Variants in NUP155 observed in about 807,000 individuals in gnomAD.
NUP155 encodes nucleoporin 155, also known as nuclear pore complex protein Nup155.
NUP155 carries 71 observed loss-of-function variants against 180.4 expected under a neutral mutation model. The ratio of observed to expected loss-of-function variants is 0.39; its 90% CI spans 0.33 to 0.48. The LOEUF (loss-of-function observed/expected upper bound fraction) is 0.48. Ranked by LOEUF, NUP155 falls within the 20% of genes least tolerant of loss-of-function variation. NUP155 has a pLI of 0.91. For missense variants in NUP155, 1,553 were observed against 1,648.9 expected (o/e 0.94, Z 1.01); for synonymous variants, 582 against 559.5 (o/e 1.04, Z -0.57).
intron 30 of NUP155, among the ~76,000 whole-genome samples, chr5:37,300,002 A>G (rs971458231): frequency 6.6e-5 from 10 of 150,988 alleles, no homozygotes; most frequent in Non-Finnish European, 1.5e-4. Flanking sequence ...CTGGTGACAG[A>G]GAAAGACTCT....
At chr5:37,346,160 C>T (rs137953062) in intron 9 of NUP155, among the ~76,000 whole-genome samples, 31 of 151,958 alleles carry the variant, frequency 2.0e-4, no homozygotes, top group African/African-American at 7.0e-4. Context: ...CATCTATAGT[C>T]ATAGCTACTC....
At chr5:37,349,408 C>A (rs1469011925) in intron 7 of NUP155, among the ~76,000 whole-genome samples, 163 bp from the exon 8 acceptor site, 1 of 151,982 alleles carries the variant, frequency 6.6e-6, no homozygotes, top group South Asian at 2.1e-4. Context: ...GCATAAGATC[C>A]AGTCCAAAAA....
At chr5:37,322,128 A>G (rs1171794627) in intron 20 of NUP155, among the ~76,000 whole-genome samples, 1 of 152,096 alleles carries the variant, frequency 6.6e-6, no homozygotes, top group Admixed American at 6.6e-5. Flanking sequence ...TACTGGGATT[A>G]CAGGCATCAG....
At chr5:37,305,930 C>G (rs779361171) in intron 25 of NUP155, among the ~76,000 whole-genome samples, 1 of 151,692 alleles carries the variant, frequency 6.6e-6, no homozygotes, top group Non-Finnish European at 1.5e-5. Flanking sequence ...AAAAAGAAAG[C>G]CATTGATTTA....
At chr5:37,340,986 G>A (rs1473763875) in intron 11 of NUP155, 104 bp downstream of exon 11, 12 of 990,692 alleles carry the variant, frequency 1.2e-5, no homozygotes, top group Non-Finnish European at 1.7e-5. Flanking sequence ...GTAGTTCCCA[G>A]TTTCTACTGT....
intron 22 of NUP155, among the ~76,000 whole-genome samples, chr5:37,311,382 C>A (rs1331710779): frequency 6.6e-6 from 1 of 152,064 alleles, no homozygotes; most frequent in Non-Finnish European, 1.5e-5. Context: ...AGGATAAAAA[C>A]CTACCTACAA....
Position 37,307,351 on chromosome 5 carries a change from T to C in NUP155, c.2849A>G (p.Tyr950Cys). The C allele has an allele frequency of 6.2e-7, 1 of 1,614,096 alleles. No individual in the cohort carries two copies. Among genetic ancestry groups the C allele is most frequent in the Non-Finnish European group, 8.5e-7 (1 of 1,179,962 alleles). Residue 950 changes from tyrosine to cysteine, a missense_variant, in exon 25 of 35, where the codon TAT becomes TGT. Physicochemically the swap from Tyr to Cys is radical, Grantham distance 194 (BLOSUM62 -2). Transcript: ENST00000231498. ...KDPQGLGLHF[Y>C]KHGEPEEDIV... ...GTCTTCTTCTGGTTCTCCATGTTTA[T>C]AGAAATGAAGCCCAAGACCTTGAGG...
At chr5:37,346,421 C>T (rs974606367) in intron 9 of NUP155, among the ~76,000 whole-genome samples, 12 of 152,120 alleles carry the variant, frequency 7.9e-5, no homozygotes, top group African/African-American at 2.2e-4. Context: ...CCTGTAATCC[C>T]AGCACTTCGG....
intron 3 of NUP155, among the ~76,000 whole-genome samples, chr5:37,359,812 T>C (rs1747080822): frequency 6.6e-6 from 1 of 152,188 alleles, no homozygotes; most frequent in Admixed American, 6.5e-5. Context: ...AACTATGAAC[T>C]ATACATATAG....
chr5:37,349,226 T>C lies in NUP155; in HGVS notation c.849A>G (p.Ala283=). ...FSEDDPILQI[A]IDNSRNILYT... is the part of the protein sequence containing the mutation. The stretch of plus-strand genomic sequence containing the variant: ...ATAAAATATTTCTAGAATTATCAAT[T>C]GCAATTTGAAGAATAGGATCTAAAA... The change falls in exon 8 of 35, where the codon GCA becomes GCG. Residue 283 remains alanine (A), a synonymous_variant. Coordinates refer to ENST00000231498, the MANE Select transcript of NUP155 (RefSeq NM_153485.3). 1 of 835,504 alleles carries C rather than the reference T, an allele frequency of 1.2e-6. No individual in the cohort carries two copies. Among genetic ancestry groups the C allele is most frequent in the Non-Finnish European group, 1.8e-6 (1 of 542,396 alleles). 51.8% of individuals were successfully genotyped at this position (835,504 alleles called of 1,614,324 possible). A position where few individuals can be genotyped will look rare whatever the true frequency, so the allele number is the denominator to read the frequency against.
At chr5:37,310,126 G>A (rs1297659034) in intron 23 of NUP155, among the ~76,000 whole-genome samples, 2 of 152,082 alleles carry the variant, frequency 1.3e-5, no homozygotes, top group African/African-American at 4.8e-5. Flanking sequence ...ATCACTTGAA[G>A]CCAAGAGTTC....
chr5:37,322,579 C>T (rs1178440933), intron 20 of NUP155, among the ~76,000 whole-genome samples: 1 of 151,850 alleles, frequency 6.6e-6, no homozygotes, highest in Non-Finnish European at 1.5e-5. Context: ...TGGTGGCAAG[C>T]GCCTGTAGTC....
intron 4 of NUP155, among the ~76,000 whole-genome samples, chr5:37,357,751 T>C (rs920126428): frequency 3.3e-5 from 5 of 152,272 alleles, no homozygotes; most frequent in South Asian, 4.1e-4. Flanking sequence ...CCCAGCACTT[T>C]GGGAGGCTGA....
chr5:37,341,355 C>G (rs1745708266), intron 10 of NUP155, 113 bp from the exon 11 acceptor site: 4 of 907,000 alleles, frequency 4.4e-6, no homozygotes, highest in South Asian at 1.4e-5. Flanking sequence ...CCATACATAA[C>G]TTTCCTGACT....
Position 37,350,100 on chromosome 5 carries a change from T to C in NUP155, c.829+60A>G. ...AGAATGATAATTTCTGAAGAAAACG[T>C]TGAGGGAACAATGTGTTAGAAATTA... On this transcript the variant is annotated intron_variant, in intron 7 of 34. Coordinates refer to ENST00000231498, the MANE Select transcript of NUP155 (RefSeq NM_153485.3). 3.6e-6 allele frequency: 4 copies of C among 1,119,832 alleles called. No individual in the cohort carries two copies. The South Asian group carries it at 3.7e-5, about 10-fold the overall frequency. The allele number at this position is 1,119,832 out of a possible 1,614,324, so 69.4% of individuals were successfully genotyped here.
rs1356982844 is a variant in NUP155 at position 37,363,997 on chromosome 5, G to A, written c.296-13C>T. ...TTACACTGCATATCTGAGGTAGTGT[G>A]GATGTAAGGCAGACAGAGGTGAATC... is the stretch of plus-strand genomic sequence containing the variant. On this transcript the variant is annotated splice_polypyrimidine_tract_variant and intron_variant, in intron 2 of 34. Coordinates refer to ENST00000231498, the MANE Select transcript of NUP155 (RefSeq NM_153485.3). 4 of 1,560,370 alleles carry A rather than the reference G, an allele frequency of 2.6e-6. No individual in the cohort carries two copies. Among genetic ancestry groups the A allele is most frequent in the Non-Finnish European group, 8.8e-7 (1 of 1,131,172 alleles).
chr5:37,350,046 C>T, intron 7 of NUP155, 114 bp downstream of exon 7: 2 of 777,382 alleles, frequency 2.6e-6, no homozygotes, highest in Non-Finnish European at 4.6e-6. Flanking sequence ...ATAAGAAATG[C>T]TACTTAACAT....
At chr5:37,302,985 C>T in intron 28 of NUP155, 77 bp from the exon 29 acceptor site, 1 of 1,436,632 alleles carries the variant, frequency 7.0e-7, no homozygotes, top group Non-Finnish European at 9.7e-7. Context: ...TTAGTATGTA[C>T]TGTTTCATAC....
intron 19 of NUP155, among the ~76,000 whole-genome samples, chr5:37,325,603 T>C (rs1744542886): frequency 6.6e-6 from 1 of 151,194 alleles, no homozygotes; most frequent in Non-Finnish European, 1.5e-5. Context: ...ACCCTATCTC[T>C]ACAAAAACTA....
Sources: gnomAD v4.1 joint callset for allele counts (sites outside exome capture counted in the v4.1 genomes callset) on GRCh38, gnomAD v4.1.1 for gene constraint, MANE v1.5 for transcripts, NCBI Gene and HGNC (gene_info 2026-07-23, HGNC 2026-07-21) for gene names.